Variants in CAST observed in about 807,000 individuals in gnomAD.
The protein encoded by CAST is MIR583 host.
Under a neutral mutation model 119.6 loss-of-function variants are expected in CAST, and 76 were observed. That is an observed-to-expected ratio of 0.64 (90% CI 0.53 to 0.77). The LOEUF (loss-of-function observed/expected upper bound fraction) is 0.77. Among genes scored for constraint, CAST ranks in the 30% least tolerant of loss-of-function variants. The probability of loss-of-function intolerance (pLI) is 0.00; values close to 1 mark genes in which losing one functional copy is unlikely to be tolerated. For synonymous variants in CAST, 319 were observed against 331.6 expected, an observed-to-expected ratio of 0.96 and a Z score of 0.41; for missense variants, 953 against 946.5, an observed-to-expected ratio of 1.01 and a Z score of -0.09.
chr5:96,133,384 C>T, the CAST span, among the ~76,000 whole-genome samples: 1 of 151,766 alleles, frequency 6.6e-6, no homozygotes, highest in Non-Finnish European at 1.5e-5. Context: ...GATGTGGGGA[C>T]AAGGCAGAAT....
intron 27 of CAST, among the ~76,000 whole-genome samples, chr5:96,766,455 T>G (rs1312230257): frequency 6.6e-6 from 1 of 152,080 alleles, no homozygotes; most frequent in African/African-American, 2.4e-5. Flanking sequence ...ATGACTAAGG[T>G]GATAGGATTT....
At chr5:96,479,228 G>A in the CAST span, among the ~76,000 whole-genome samples, 2 of 152,272 alleles carry the variant, frequency 1.3e-5, no homozygotes, top group South Asian at 4.1e-4. Context: ...AGAGTTCAAT[G>A]TTGACACAAG....
At chr5:96,258,874 A>C in the CAST span, among the ~76,000 whole-genome samples, 10 of 152,386 alleles carry the variant, frequency 6.6e-5, no homozygotes, top group African/African-American at 2.4e-4. Flanking sequence ...TGAAAAATAC[A>C]ATCTTATATG....
intron 1 of CAST, among the ~76,000 whole-genome samples, chr5:96,536,456 C>A (rs143584835): frequency 1.3e-5 from 2 of 152,064 alleles, no homozygotes; most frequent in African/African-American, 4.8e-5. Context: ...GGTGTATTTG[C>A]GACATGGAGA....
chr5:96,541,841 A>G (rs1484842766), intron 1 of CAST, among the ~76,000 whole-genome samples: 1 of 152,204 alleles, frequency 6.6e-6, no homozygotes, highest in African/African-American at 2.4e-5. Flanking sequence ...CCTTGTATGC[A>G]TATACCAGAG....
the CAST span, among the ~76,000 whole-genome samples, chr5:96,498,318 T>A: frequency 3.9e-5 from 6 of 152,216 alleles, no homozygotes; most frequent in Non-Finnish European, 5.9e-5. Flanking sequence ...TTTGTTCTTT[T>A]GGCTTAGGAT....
chr5:96,049,310 T>G, the CAST span, among the ~76,000 whole-genome samples: 1 of 152,206 alleles, frequency 6.6e-6, no homozygotes, highest in Non-Finnish European at 1.5e-5. Flanking sequence ...ATTTTCCTTT[T>G]TGGGTCTCAT....
At chr5:96,576,924 C>A (rs1158195452) in intron 1 of CAST, among the ~76,000 whole-genome samples, 1 of 152,084 alleles carries the variant, frequency 6.6e-6, no homozygotes, top group Non-Finnish European at 1.5e-5. Context: ...ACCTAACAAC[C>A]CATCGCCTAG....
the CAST span, among the ~76,000 whole-genome samples, chr5:96,247,385 G>T: frequency 6.6e-6 from 1 of 152,222 alleles, no homozygotes; most frequent in Non-Finnish European, 1.5e-5. Flanking sequence ...TGCTTGCCTT[G>T]CTTACTGGTG....
intron 1 of CAST, among the ~76,000 whole-genome samples, chr5:96,629,680 T>C (rs948532954): frequency 2.6e-5 from 4 of 152,206 alleles, no homozygotes; most frequent in African/African-American, 9.7e-5. Flanking sequence ...TTCCTTCCAA[T>C]CTCATTCTTT....
upstream of CAST, among the ~76,000 whole-genome samples, chr5:96,660,245 C>A (rs1411086570): frequency 6.6e-6 from 1 of 152,152 alleles, no homozygotes; most frequent in African/African-American, 2.4e-5. Flanking sequence ...CTGCTCATGT[C>A]TCCTTCCTCC....
At chr5:96,660,607 C>T (rs1249117223), upstream of CAST, among the ~76,000 whole-genome samples, 1 of 152,168 alleles carries the variant, frequency 6.6e-6, no homozygotes, top group Non-Finnish European at 1.5e-5. Context: ...CTCCAGGGAT[C>T]TAAAACCTTG....
At chr5:96,209,345 T>G in the CAST span, among the ~76,000 whole-genome samples, 2 of 152,076 alleles carry the variant, frequency 1.3e-5, no homozygotes, top group East Asian at 1.9e-4. Flanking sequence ...ATGTGCAGAT[T>G]TGATCCTGTC....
At chr5:96,336,553 C>T in the CAST span, among the ~76,000 whole-genome samples, 1 of 152,170 alleles carries the variant, frequency 6.6e-6, no homozygotes, top group South Asian at 2.1e-4. Flanking sequence ...CCCGGCAGAA[C>T]TTGTCTGTTA....
the CAST span, among the ~76,000 whole-genome samples, chr5:96,147,496 A>C: frequency 6.6e-6 from 1 of 152,028 alleles, no homozygotes; most frequent in Non-Finnish European, 1.5e-5. Context: ...CCAGCTACTC[A>C]GGAGGCTGAG....
the CAST span, among the ~76,000 whole-genome samples, chr5:96,363,849 G>A: frequency 6.6e-6 from 1 of 152,068 alleles, no homozygotes; most frequent in Admixed American, 6.6e-5. Context: ...GATTGCCCTG[G>A]CCAGAACTTC....
At chr5:96,576,362 G>T (rs1190461253) in intron 1 of CAST, among the ~76,000 whole-genome samples, 2 of 150,774 alleles carry the variant, frequency 1.3e-5, no homozygotes, top group Non-Finnish European at 3.0e-5. Flanking sequence ...GTTTTGTTTT[G>T]GTGACAGAGT....
At chr5:96,693,916 C>T (rs1752998662) in intron 2 of CAST, among the ~76,000 whole-genome samples, 1 of 152,000 alleles carries the variant, frequency 6.6e-6, no homozygotes, top group South Asian at 2.1e-4. Flanking sequence ...TTGGGAGAGA[C>T]TATTTATTCT....
chr5:96,331,163 C>T, the CAST span, among the ~76,000 whole-genome samples: 1 of 152,188 alleles, frequency 6.6e-6, no homozygotes, highest in African/African-American at 2.4e-5. Flanking sequence ...GAAACCTTGA[C>T]TCAGGAGTCC....
Sources: allele counts gnomAD v4.1 joint callset (sites outside exome capture counted in the v4.1 genomes callset), GRCh38; gene constraint gnomAD v4.1.1; transcripts MANE v1.5; gene names NCBI Gene and HGNC (gene_info 2026-07-23, HGNC 2026-07-21).